RPS6KA2: variants seen among roughly 807,000 people sequenced by gnomAD.
RPS6KA2 encodes ribosomal protein S6 kinase A2, also known as ribosomal protein S6 kinase alpha-2.
A neutral mutation model predicts 91.8 loss-of-function variants in RPS6KA2; 42 were observed. That is an observed-to-expected ratio of 0.46 (90% CI 0.36 to 0.59). The LOEUF is 0.59. Ranked by LOEUF, RPS6KA2 falls within the 20% of genes least tolerant of loss-of-function variation. The probability of loss-of-function intolerance (pLI) is 0.00; values close to 1 mark genes in which losing one functional copy is unlikely to be tolerated. For synonymous variants in RPS6KA2, 414 were observed against 393.6 expected (o/e 1.05, Z -0.61); for missense variants, 798 against 978.5 (o/e 0.82, Z 2.46).
chr6:166,848,259 T>C (rs1780655287), intron 2 of RPS6KA2, among the ~76,000 whole-genome samples: 1 of 152,082 alleles, frequency 6.6e-6, no homozygotes, highest in Non-Finnish European at 1.5e-5. Flanking sequence ...CAAAAAATAA[T>C]AGATGTTAGC....
At chr6:166,851,358 C>G (rs567935339) in intron 2 of RPS6KA2, among the ~76,000 whole-genome samples, 3 of 152,320 alleles carry the variant, frequency 2.0e-5, no homozygotes, top group South Asian at 4.1e-4. Flanking sequence ...TTCTTTGGGT[C>G]TTTTGCTTCA....
chr6:166,803,076 C>A (rs1454179625), intron 2 of RPS6KA2, among the ~76,000 whole-genome samples: 2 of 151,982 alleles, frequency 1.3e-5, no homozygotes, highest in Admixed American at 1.3e-4. Flanking sequence ...AGCAAGTTGG[C>A]CCTGAAACTT....
chr6:166,616,950 T>C (rs1583331255), intron 1 of RPS6KA2, among the ~76,000 whole-genome samples: 1 of 152,008 alleles, frequency 6.6e-6, no homozygotes. Flanking sequence ...GAGGAACAAA[T>C]GAATGTGGGA....
At chr6:166,778,819 C>T (rs1778692046) in intron 2 of RPS6KA2, among the ~76,000 whole-genome samples, 1 of 152,204 alleles carries the variant, frequency 6.6e-6, no homozygotes, top group South Asian at 2.1e-4. Flanking sequence ...TGCGTCCACT[C>T]CTGTCAGAGA....
At chr6:166,683,587 C>G (rs1788904953) in intron 2 of RPS6KA2, among the ~76,000 whole-genome samples, 1 of 152,238 alleles carries the variant, frequency 6.6e-6, no homozygotes, top group African/African-American at 2.4e-5. Context: ...ATGTGTGACT[C>G]AAATATTTCC....
At chr6:166,429,425 TTAAAG>T (rs1292280081) in intron 16 of RPS6KA2, among the ~76,000 whole-genome samples, 2 of 151,980 alleles carry the variant, frequency 1.3e-5, no homozygotes, top group African/African-American at 4.8e-5. Flanking sequence ...TACCTAAAAC[TTAAAG>T]TATAATAATA....
rs1030640728 is a variant in RPS6KA2 at position 166,493,115 on chromosome 6, T to G, written c.748-2374A>C. On this transcript the variant is annotated intron_variant, in intron 8 of 20. Coordinates refer to ENST00000265678, the MANE Select transcript of RPS6KA2 (RefSeq NM_021135.6). This position sits in a 1 kb window ranked among gnomAD's most constrained non-coding sequence, Gnocchi z 4.7. ...GTGGTTCTCTCTCTTCCTCCCCTTC[T>G]TCCTCCATCCATATGGTAGGAGGTC... is the stretch of plus-strand genomic sequence containing the variant. Among the ~76,000 whole-genome samples, 1 of 152,096 alleles carries G rather than the reference T, an allele frequency of 6.6e-6. No homozygotes were observed. Among genetic ancestry groups the G allele is most frequent in the Non-Finnish European group, 1.5e-5 (1 of 67,990 alleles).
rs928819634 is a variant in RPS6KA2, at chr6:166,612,531, C to T, written c.99+14390G>A. ...TCTCTCCCTCCATGACAGACCAGGG[C>T]GAGGAAAGGAGAAATGATGAGCTCT... is the stretch of plus-strand genomic sequence containing the variant. On this transcript the variant is annotated intron_variant, in intron 1 of 20. Transcript: ENST00000265678. This position sits in a 1 kb window ranked among gnomAD's most constrained non-coding sequence, Gnocchi z 4.3. 6.6e-5 allele frequency among the ~76,000 whole-genome samples: 10 copies of T among 152,096 alleles called. No homozygotes were observed. Among genetic ancestry groups the T allele is most frequent in the African/African-American group, 1.9e-4 (8 of 41,418 alleles).
intron 2 of RPS6KA2, among the ~76,000 whole-genome samples, chr6:166,735,309 T>C (rs1394412449): frequency 6.6e-6 from 1 of 152,196 alleles, no homozygotes; most frequent in Non-Finnish European, 1.5e-5. Flanking sequence ...TGAACATCTA[T>C]AGTAGGAATT....
At position 166,569,267 on chromosome 6, in the gene RPS6KA2, G is replaced by A. The variant is rs569469910; in HGVS notation, c.100-30483C>T. ...TGGTTTGGCCCATTCTGCTCCTCCCGTCTTCCATGGCGGGTTTTCTTCTGA... is the reference window on the plus strand; with the variant it reads ...TGGTTTGGCCCATTCTGCTCCTCCCATCTTCCATGGCGGGTTTTCTTCTGA... On this transcript the variant is annotated intron_variant, in intron 1 of 20. Transcript: ENST00000265678. Among the ~76,000 whole-genome samples the A allele has an allele frequency of 2.2e-3, 330 of 152,290 alleles. 3 individuals are homozygous for A. Among genetic ancestry groups the A allele is most frequent in the African/African-American group, 7.6e-3 (317 of 41,564 alleles).
rs193212027 is a variant in RPS6KA2, at chr6:166,494,213, G to A, written c.748-3472C>T. Among the ~76,000 whole-genome samples, 38 of 152,302 alleles carry A rather than the reference G, an allele frequency of 2.5e-4. No individual in the cohort carries two copies. Among genetic ancestry groups the A allele is most frequent in the Non-Finnish European group, 4.6e-4 (31 of 68,022 alleles). Reference sequence around the variant, plus strand: ...CTGTGTTGATCCATGCCCATGTGTGGAGGTCCCTGTGTGCACAGACACATG... The same window carrying A: ...CTGTGTTGATCCATGCCCATGTGTGAAGGTCCCTGTGTGCACAGACACATG... On this transcript the variant is annotated intron_variant, in intron 8 of 20. Coordinates refer to ENST00000265678, the MANE Select transcript of RPS6KA2 (RefSeq NM_021135.6). The surrounding 1 kb of genome is among the most constrained non-coding windows in gnomAD (Gnocchi z 5.1).
At chr6:166,607,158 A>AG (rs1371827008) in intron 1 of RPS6KA2, among the ~76,000 whole-genome samples, 1 of 151,644 alleles carries the variant, frequency 6.6e-6, no homozygotes, top group Non-Finnish European at 1.5e-5. Context: ...AAAAAAAAAA[A>AG]AGCTCCATCT....
chr6:166,453,703 T>C (rs1471484052), intron 12 of RPS6KA2, among the ~76,000 whole-genome samples: 1 of 152,216 alleles, frequency 6.6e-6, no homozygotes, highest in Non-Finnish European at 1.5e-5. Context: ...CTGCTGGGCA[T>C]TGCCCAAAGG....
At chr6:166,536,202 C>T (rs548484898) in intron 2 of RPS6KA2, among the ~76,000 whole-genome samples, 1 of 152,388 alleles carries the variant, frequency 6.6e-6, no homozygotes, top group African/African-American at 2.4e-5. Context: ...CCAGGCAAGG[C>T]CTGTCCCGGG....
chr6:166,588,458 T>G (rs577848311), intron 1 of RPS6KA2, among the ~76,000 whole-genome samples: 9 of 152,142 alleles, frequency 5.9e-5, no homozygotes, highest in African/African-American at 2.2e-4. Context: ...CTTAGGGGAC[T>G]CCTCTTGGGC....
chr6:166,858,207 G>A (rs1780959870), exon 2 of RPS6KA2: 2 of 1,524,016 alleles, frequency 1.3e-6, no homozygotes, highest in East Asian at 2.3e-5. Flanking sequence ...TACTTCTTCT[G>A]CAGTGTCTTC....
At chr6:166,747,033 G>A (rs1167114113) in intron 2 of RPS6KA2, among the ~76,000 whole-genome samples, 3 of 152,220 alleles carry the variant, frequency 2.0e-5, no homozygotes, top group African/African-American at 7.2e-5. Flanking sequence ...CGGCTGTTCA[G>A]TAATCCGAAG....
Position 166,435,364 on chromosome 6 carries a change from C to A in RPS6KA2, c.1333-2874G>T, listed in dbSNP as rs574017703. On this transcript the variant is annotated intron_variant, in intron 14 of 20. Coordinates refer to ENST00000265678, the MANE Select transcript of RPS6KA2 (RefSeq NM_021135.6). This position sits in a 1 kb window ranked among gnomAD's most constrained non-coding sequence, Gnocchi z 4.3. The stretch of plus-strand genomic sequence containing the variant: ...TGCACATGTGAGGCACACTGGATTT[C>A]AACCCATCGGAGCCAGTGTCCTGGT... Among the ~76,000 whole-genome samples the A allele has an allele frequency of 3.3e-5, 5 of 152,378 alleles. No homozygotes were observed. Among genetic ancestry groups the A allele is most frequent in the Admixed American group, 2.6e-4 (4 of 15,310 alleles).
At chr6:166,432,284 G>A (rs2128446206) in intron 15 of RPS6KA2, 117 bp downstream of exon 15, 3 of 705,320 alleles carry the variant, frequency 4.3e-6, no homozygotes, top group East Asian at 5.5e-5. Context: ...TGTGGGTGGT[G>A]GAAACCAGCT....
Sources: gnomAD v4.1 joint callset for allele counts (sites outside exome capture counted in the v4.1 genomes callset) on GRCh38, gnomAD v4.1.1 for gene constraint, Gnocchi (gnomAD v3.1) non-coding constraint, MANE v1.5 for transcripts, NCBI Gene and HGNC (gene_info 2026-07-23, HGNC 2026-07-21) for gene names.